CDH4: variants seen among roughly 807,000 people sequenced by gnomAD.
CDH4 encodes the protein cadherin 4.
CDH4 carries 33 observed loss-of-function variants against 86.0 expected under a neutral mutation model. The observed-to-expected ratio is 0.38, with a 90% confidence interval of 0.29 to 0.51. CDH4 has a LOEUF of 0.51. Ranked by LOEUF, CDH4 falls within the 20% of genes least tolerant of loss-of-function variation. The pLI is 0.86. For synonymous variants in CDH4, 555 were observed against 549.4 expected, an observed-to-expected ratio of 1.01 and a Z score of -0.14; for missense variants, 1,114 against 1,307.4, an observed-to-expected ratio of 0.85 and a Z score of 2.28.
intron 2 of CDH4, among the ~76,000 whole-genome samples, chr20:61,401,610 AAC>A (rs1436785547): frequency 1.3e-5 from 2 of 152,172 alleles, no homozygotes; most frequent in Non-Finnish European, 2.9e-5. Flanking sequence ...CGATCTCTTG[AAC>A]ACAGTTTCTT....
At chr20:61,404,700 T>C (rs944587359) in intron 2 of CDH4, among the ~76,000 whole-genome samples, 3 of 151,904 alleles carry the variant, frequency 2.0e-5, no homozygotes, top group African/African-American at 7.3e-5. Context: ...CAGGGACTTG[T>C]GTGAGAATAT....
At chr20:61,524,285 G>A (rs541209861) in intron 2 of CDH4, among the ~76,000 whole-genome samples, 5 of 152,270 alleles carry the variant, frequency 3.3e-5, no homozygotes, top group African/African-American at 9.6e-5. Flanking sequence ...ACCCAAAGGA[G>A]GGCACGTGAA....
intron 2 of CDH4, among the ~76,000 whole-genome samples, chr20:61,305,427 A>G (rs1215754035): frequency 6.6e-6 from 1 of 152,278 alleles, no homozygotes; most frequent in East Asian, 1.9e-4. Context: ...GGGGCCTGAG[A>G]GTCTGCATTT....
At chr20:61,505,373 C>T (rs552516673) in intron 2 of CDH4, among the ~76,000 whole-genome samples, 1 of 152,222 alleles carries the variant, frequency 6.6e-6, no homozygotes, top group Non-Finnish European at 1.5e-5. Context: ...TCAGGACGGC[C>T]CGCTTTGGAA....
At chr20:61,508,040 CAG>C (rs1392997799) in intron 2 of CDH4, among the ~76,000 whole-genome samples, 3 of 152,348 alleles carry the variant, frequency 2.0e-5, no homozygotes, top group African/African-American at 7.2e-5. Context: ...CACTGTCGTG[CAG>C]AGTGAGACCA....
intron 2 of CDH4, among the ~76,000 whole-genome samples, chr20:61,431,311 C>T (rs377581756): frequency 6.6e-6 from 1 of 150,890 alleles, no homozygotes; most frequent in Non-Finnish European, 1.5e-5. Flanking sequence ...GAAGTTCCAG[C>T]GTAGGAGAAA....
At chr20:61,893,613 G>T (rs1160355273) in intron 7 of CDH4, among the ~76,000 whole-genome samples, 4 of 150,768 alleles carry the variant, frequency 2.7e-5, no homozygotes, top group Non-Finnish European at 5.9e-5. Context: ...GGCAGATAGA[G>T]GGATAGTGGA....
At chr20:61,573,030 T>TTGGATGGATGGATGGA (rs760571002) in intron 2 of CDH4, among the ~76,000 whole-genome samples, 13 of 140,340 alleles carry the variant, frequency 9.3e-5, no homozygotes, top group African/African-American at 2.6e-4. Flanking sequence ...GGATGGATGG[T>TTGGATGGATGGATGGA]TGGATGGATG....
chr20:61,759,604 A>G (rs1242641428), intron 3 of CDH4, among the ~76,000 whole-genome samples: 1 of 152,118 alleles, frequency 6.6e-6, no homozygotes, highest in African/African-American at 2.4e-5. Context: ...TTCCACCACT[A>G]ATGACTCTGG....
At chr20:61,287,993 G>A (rs144710160) in intron 2 of CDH4, among the ~76,000 whole-genome samples, 1 of 152,196 alleles carries the variant, frequency 6.6e-6, no homozygotes, top group Admixed American at 6.5e-5. Context: ...TGTTATCTCA[G>A]TGAAATATGA....
chr20:61,933,937 G>C (rs985707347), intron 14 of CDH4, 119 bp from the exon 15 acceptor site: 6 of 1,145,830 alleles, frequency 5.2e-6, no homozygotes, highest in Non-Finnish European at 7.6e-6. Context: ...GATGCTTGGA[G>C]ACCAGGCCAC....
chr20:61,594,168 G>T (rs1446292080), intron 2 of CDH4, among the ~76,000 whole-genome samples: 1 of 104,300 alleles, frequency 9.6e-6, no homozygotes, highest in African/African-American at 3.8e-5. Flanking sequence ...GGGGAAAGAG[G>T]GGGGAAAGGG....
chr20:61,552,394 T>C (rs2086139108), intron 2 of CDH4, among the ~76,000 whole-genome samples: 1 of 152,006 alleles, frequency 6.6e-6, no homozygotes, highest in East Asian at 1.9e-4. Flanking sequence ...AGTAGGAAAA[T>C]GCAAATCAAA....
intron 2 of CDH4, among the ~76,000 whole-genome samples, chr20:61,573,147 A>C (rs2086357052): frequency 6.6e-6 from 1 of 152,162 alleles, no homozygotes; most frequent in Non-Finnish European, 1.5e-5. Context: ...ACCCCTGCAC[A>C]GTCCTTTCTT....
chr20:61,695,348 G>C (rs1211147846), intron 2 of CDH4, among the ~76,000 whole-genome samples: 1 of 152,188 alleles, frequency 6.6e-6, no homozygotes, highest in African/African-American at 2.4e-5. Context: ...GCTGCTGTGG[G>C]TATCAGATGT....
chr20:61,264,182 G>A (rs927047197), intron 2 of CDH4, among the ~76,000 whole-genome samples: 6 of 152,130 alleles, frequency 3.9e-5, no homozygotes, highest in Admixed American at 1.3e-4. Flanking sequence ...GGTGTGTGTG[G>A]GAGTTTCCCA....
intron 2 of CDH4, among the ~76,000 whole-genome samples, chr20:61,586,256 A>G (rs1260320850): frequency 1.3e-5 from 2 of 152,038 alleles, no homozygotes; most frequent in Non-Finnish European, 2.9e-5. Flanking sequence ...GGCAATTATC[A>G]TGGTGATGGT....
rs1182194187 is a variant in CDH4, at chr20:61,754,708, C to A, written c.396+10919C>A. Among the ~76,000 whole-genome samples, 2 of 149,312 alleles carry A rather than the reference C, an allele frequency of 1.3e-5. No homozygotes were observed. Among genetic ancestry groups the A allele is most frequent in the Non-Finnish European group, 3.0e-5 (2 of 67,456 alleles). ...CACCACACACACAGTGCATGCCACA[C>A]ACACCGCACACACACTGCACGCCCC... On this transcript the variant is annotated intron_variant, in intron 3 of 15. Coordinates refer to ENST00000614565, the MANE Select transcript of CDH4 (RefSeq NM_001794.5). The surrounding 1 kb of genome is among the most constrained non-coding windows in gnomAD (Gnocchi z 4.7).
At chr20:61,677,776 T>TAGATA (rs10667450) in intron 2 of CDH4, among the ~76,000 whole-genome samples, 83,786 of 151,058 alleles carry the variant, frequency 0.55, 23,360 homozygotes, top group Admixed American at 0.62. Flanking sequence ...GTTAGATAGA[T>TAGATA]GATGAATGGA....
Sources: gnomAD v4.1 joint callset for allele counts (sites outside exome capture counted in the v4.1 genomes callset) on GRCh38, gnomAD v4.1.1 for gene constraint, Gnocchi (gnomAD v3.1) non-coding constraint, MANE v1.5 for transcripts, NCBI Gene and HGNC (gene_info 2026-07-23, HGNC 2026-07-21) for gene names.